NSL1: variants seen among roughly 807,000 people sequenced by gnomAD.
NSL1 encodes the protein kinetochore-associated protein NSL1 homolog.
A neutral mutation model predicts 25.4 loss-of-function variants in NSL1; 11 were observed. The ratio of observed to expected loss-of-function variants is 0.43; its 90% CI spans 0.27 to 0.72. NSL1 has a LOEUF of 0.72. Among genes scored for constraint, NSL1 ranks in the 30% least tolerant of loss-of-function variants. NSL1 has a pLI of 0.19. For synonymous variants in NSL1, 118 were observed against 120.6 expected, an observed-to-expected ratio of 0.98 and a Z score of 0.14; for missense variants, 330 against 342.7, an observed-to-expected ratio of 0.96 and a Z score of 0.29.
In NSL1 at chr1:212,778,429, C is replaced by T. The variant is rs551119476; in HGVS notation, c.499+3943G>A. Among the ~76,000 whole-genome samples the T allele has an allele frequency of 1.1e-3, 168 of 152,340 alleles. 8 individuals carry two copies. The South Asian group carries it at 0.033, about 30-fold the overall frequency. ...CTCTCCTCTCTCTCCCCTCTCCCCA[C>T]GGTCTCCCTCTGATGCCGAGCCGAA... On this transcript the variant is annotated intron_variant, in intron 4 of 5. Coordinates refer to ENST00000366977, the MANE Select transcript of NSL1 (RefSeq NM_015471.4).
At position 212,787,622 on chromosome 1, in the gene NSL1, C is replaced by T; in HGVS notation, c.250G>A (p.Val84Met). ...CCATTAATGCTGATATTCTCTTGCA[C>T]AGCTGATTCAAAAGTCTGCAATAAA... ...RDAQWTFESA[V>M]QENISINGQA... The change falls in exon 2 of 6, where the codon GTG (valine) becomes ATG (methionine). Residue 84 changes from valine (V) to methionine (M), a missense_variant. Coordinates refer to ENST00000366977, the MANE Select transcript of NSL1 (RefSeq NM_015471.4). 6.2e-7 allele frequency: 1 copy of T among 1,601,212 alleles called. No individual in the cohort carries two copies. Among genetic ancestry groups the T allele is most frequent in the South Asian group, 1.1e-5 (1 of 88,264 alleles).
intron 4 of NSL1, among the ~76,000 whole-genome samples, chr1:212,750,445 G>T (rs1659016512): frequency 1.3e-5 from 2 of 152,142 alleles, no homozygotes; most frequent in African/African-American, 4.8e-5. Flanking sequence ...GGACGATGAT[G>T]AAAGGAACAG....
chr1:212,736,630 A>C lies in NSL1; in HGVS notation c.*1778T>G, dbSNP rs758522536. On this transcript the variant is annotated 3_prime_UTR_variant, in exon 6 of 6. Coordinates refer to ENST00000366977, the MANE Select transcript of NSL1 (RefSeq NM_015471.4). ...TAAACTCTGCTATAACTATGGAGTA[A>C]AACTTTGGGCTCTCAAGAGGATTTC... 41 of 985,234 alleles carry C rather than the reference A, an allele frequency of 4.2e-5. No individual in the cohort carries two copies. The highest frequency in any genetic ancestry group is 4.7e-5 in the Non-Finnish European group (39 of 829,870). 61.0% of individuals were successfully genotyped at this position (985,234 alleles called of 1,614,324 possible).
intron 3 of NSL1, among the ~76,000 whole-genome samples, 170 bp from the exon 4 acceptor site, chr1:212,782,596 A>G (rs1385775921): frequency 1.3e-5 from 2 of 152,200 alleles, no homozygotes; most frequent in African/African-American, 4.8e-5. Flanking sequence ...AACCAAACTA[A>G]GTCTGAATTA....
At position 212,784,320 on chromosome 1, in the gene NSL1, G is replaced by C. The variant is rs539979601; in HGVS notation, c.444+43C>G. ...AGCCTTATATTTTAATGTTTTTATTGTGGTAAAATATACTATAACATTTTA... is the reference window on the plus strand; with the variant it reads ...AGCCTTATATTTTAATGTTTTTATTCTGGTAAAATATACTATAACATTTTA... On this transcript the variant is annotated intron_variant, in intron 3 of 5. Coordinates refer to ENST00000366977, the MANE Select transcript of NSL1 (RefSeq NM_015471.4). The C allele has an allele frequency of 3.3e-5, 45 of 1,359,454 alleles. No individual in the cohort carries two copies. In the African/African-American group the frequency reaches 4.4e-4, roughly 13 times the overall value. The allele number at this position is 1,359,454 out of a possible 1,614,324, so 84.2% of individuals were successfully genotyped here.
intron 4 of NSL1, among the ~76,000 whole-genome samples, chr1:212,759,598 C>G (rs537296821): frequency 6.6e-6 from 1 of 152,090 alleles, no homozygotes; most frequent in Non-Finnish European, 1.5e-5. Context: ...CACATACCCC[C>G]AAGGCCCAAG....
At chr1:212,772,419 G>A (rs1660162117) in intron 4 of NSL1, among the ~76,000 whole-genome samples, 1 of 152,054 alleles carries the variant, frequency 6.6e-6, no homozygotes, top group African/African-American at 2.4e-5. Context: ...TAGCACTTTG[G>A]GAGGCTGAGG....
At chr1:212,757,851 G>A (rs1659386238) in intron 4 of NSL1, among the ~76,000 whole-genome samples, 1 of 152,194 alleles carries the variant, frequency 6.6e-6, no homozygotes, top group Non-Finnish European at 1.5e-5. Flanking sequence ...TATTATAGTG[G>A]TCCTAAGCGA....
chr1:212,759,313 AAAG>A (rs1467835062), intron 4 of NSL1, among the ~76,000 whole-genome samples: 3 of 152,226 alleles, frequency 2.0e-5, no homozygotes, highest in Non-Finnish European at 4.4e-5. Context: ...CCTCCTCCAC[AAAG>A]AAGGACTAAA....
chr1:212,773,291 G>C (rs1660209843), intron 4 of NSL1, among the ~76,000 whole-genome samples: 1 of 152,022 alleles, frequency 6.6e-6, no homozygotes, highest in African/African-American at 2.4e-5. Flanking sequence ...CATCCAATGG[G>C]GGACTAGTAT....
chr1:212,728,445 T>C lies in NSL1; in HGVS notation c.*9963A>G. On this transcript the variant is annotated 3_prime_UTR_variant, in exon 6 of 6. Coordinates refer to ENST00000366977, the MANE Select transcript of NSL1 (RefSeq NM_015471.4). ...TTGTGGCTTTACTCAATCTCTTCCT[T>C]TTCTTTGGGTAATCTTTTATCTTGA... The C allele has an allele frequency of 1.0e-6, 1 of 985,462 alleles. No homozygotes were observed. The highest frequency in any genetic ancestry group is 1.2e-6 in the Non-Finnish European group (1 of 829,940). The allele number at this position is 985,462 out of a possible 1,614,324, so 61.0% of individuals were successfully genotyped here.
intron 4 of NSL1, among the ~76,000 whole-genome samples, chr1:212,777,667 C>T (rs1302429941): frequency 6.6e-6 from 1 of 151,966 alleles, no homozygotes; most frequent in Non-Finnish European, 1.5e-5. Flanking sequence ...GCTTGAGGAT[C>T]CTGGTTATAC....
chr1:212,750,671 G>A (rs964601466), intron 4 of NSL1, among the ~76,000 whole-genome samples: 3 of 152,190 alleles, frequency 2.0e-5, no homozygotes, highest in Non-Finnish European at 4.4e-5. Context: ...CAGGTATGGT[G>A]AGCCACACCT....
rs535829662 is a variant in NSL1 at position 212,733,257 on chromosome 1, C to T, written c.*5151G>A. Among the ~76,000 whole-genome samples, 1 of 152,122 alleles carries T rather than the reference C, an allele frequency of 6.6e-6. No individual in the cohort carries two copies. The highest frequency in any genetic ancestry group is 1.9e-4 in the East Asian group (1 of 5,176). ...GTTTGAGACCAGCCACATAGCGAAA[C>T]TCCGTCTCTACAAAAAATACAAAAA... On this transcript the variant is annotated 3_prime_UTR_variant, in exon 6 of 6. Coordinates refer to ENST00000366977, the MANE Select transcript of NSL1 (RefSeq NM_015471.4).
rs1660812221 is a variant in NSL1 at position 212,783,536 on chromosome 1, G to A, written c.444+827C>T. Among the ~76,000 whole-genome samples the A allele has an allele frequency of 2.6e-5, 4 of 152,038 alleles. No homozygotes were observed. The South Asian group carries it at 8.3e-4, about 31-fold the overall frequency. The stretch of plus-strand genomic sequence containing the variant: ...TGACCTGAAACAATCCTGAAACTGA[G>A]GCAACTAGAAGATTTATATGTGAAC... On this transcript the variant is annotated intron_variant, in intron 3 of 5. Transcript: ENST00000366977.
At position 212,737,711 on chromosome 1, in the gene NSL1, A is replaced by G; in HGVS notation, c.*697T>C. On this transcript the variant is annotated 3_prime_UTR_variant, in exon 6 of 6. Coordinates refer to ENST00000366977, the MANE Select transcript of NSL1 (RefSeq NM_015471.4). The stretch of plus-strand genomic sequence containing the variant: ...AAAGAAACCATTAGTTCCAAGTCAA[A>G]TTATGTTAATGGTCTATAGAAAAAA... The G allele has an allele frequency of 1.0e-6, 1 of 977,252 alleles. No homozygotes were observed. 60.5% of individuals were successfully genotyped at this position (977,252 alleles called of 1,614,324 possible).
intron 4 of NSL1, among the ~76,000 whole-genome samples, chr1:212,757,296 T>C (rs1276762609): frequency 6.6e-6 from 1 of 152,100 alleles, no homozygotes; most frequent in African/African-American, 2.4e-5. Context: ...AAAGGAATTA[T>C]AATGGGGAGC....
chr1:212,769,234 A>G (rs1034790567), intron 4 of NSL1, among the ~76,000 whole-genome samples: 4 of 152,236 alleles, frequency 2.6e-5, no homozygotes, highest in African/African-American at 9.6e-5. Context: ...AAATCTTGCA[A>G]AAGATATACA....
At chr1:212,763,808 A>G (rs1659677066) in intron 4 of NSL1, among the ~76,000 whole-genome samples, 1 of 152,224 alleles carries the variant, frequency 6.6e-6, no homozygotes, top group Non-Finnish European at 1.5e-5. Context: ...CTAAGAAATG[A>G]GACTGGCAAC....
Sources: allele counts gnomAD v4.1 joint callset (sites outside exome capture counted in the v4.1 genomes callset), GRCh38; gene constraint gnomAD v4.1.1; transcripts MANE v1.5; gene names NCBI Gene and HGNC (gene_info 2026-07-23, HGNC 2026-07-21).